Variants in ZNF66 observed in about 807,000 individuals in gnomAD.
ZNF66 encodes the protein zinc finger protein 66.
ZNF66 carries 32 observed loss-of-function variants against 35.2 expected under a neutral mutation model. That is an observed-to-expected ratio of 0.91 (90% CI 0.69 to 1.22). The LOEUF (loss-of-function observed/expected upper bound fraction) is 1.22. Among genes scored for constraint, ZNF66 ranks in the 50% most tolerant of loss-of-function variants. The pLI is 0.00. For missense variants in ZNF66, 666 were observed against 543.1 expected (o/e 1.23, Z -2.25); for synonymous variants, 231 against 181.3 (o/e 1.27, Z -2.20).
intron 1 of ZNF66, chr19:20,785,137 C>T (rs1971276088): frequency 6.6e-6 from 1 of 152,230 alleles, no homozygotes; most frequent in African/African-American, 2.4e-5. Flanking sequence ...AGGCTCTCCT[C>T]CTGCAGCTCA....
At chr19:20,800,057 C>T (rs1353871772) in intron 3 of ZNF66, among the ~76,000 whole-genome samples, 1 of 152,166 alleles carries the variant, frequency 6.6e-6, no homozygotes, top group Non-Finnish European at 1.5e-5. Flanking sequence ...CTTACTGTCA[C>T]CCAGGCTCCA....
intron 1 of ZNF66, among the ~76,000 whole-genome samples, chr19:20,791,654 G>A (rs548036243): frequency 1.3e-5 from 2 of 152,042 alleles, no homozygotes; most frequent in African/African-American, 4.8e-5. Flanking sequence ...TGTATTTTGA[G>A]GTTTGCATAA....
intron 3 of ZNF66, among the ~76,000 whole-genome samples, chr19:20,800,780 T>G (rs903136004): frequency 2.0e-5 from 3 of 152,196 alleles, no homozygotes; most frequent in Non-Finnish European, 4.4e-5. Context: ...GTGAGCCAAA[T>G]AAACCTTTTT....
At chr19:20,802,881 T>C (rs906569381) in intron 3 of ZNF66, among the ~76,000 whole-genome samples, 1 of 152,186 alleles carries the variant, frequency 6.6e-6, no homozygotes, top group Non-Finnish European at 1.5e-5. Context: ...TGCAAATACA[T>C]ACATGTATAA....
At chr19:20,804,059 A>T (rs1599555291) in intron 3 of ZNF66, among the ~76,000 whole-genome samples, 1 of 151,958 alleles carries the variant, frequency 6.6e-6, no homozygotes, top group African/African-American at 2.4e-5. Flanking sequence ...TGTGTTTGTT[A>T]TAAATATCTT....
rs1037001371 is a variant in ZNF66 at position 20,807,690 on chromosome 19, C to T, written c.*368C>T. Among the ~76,000 whole-genome samples the T allele has an allele frequency of 4.0e-5, 6 of 151,524 alleles. No individual in the cohort carries two copies. Among genetic ancestry groups the T allele is most frequent in the Non-Finnish European group, 7.4e-5 (5 of 67,954 alleles). ...CTGCCTCCCGGGTTCAAGCCATTTT[C>T]CTGCCTCAGCTTGTCTAGTAGATGA... On this transcript the variant is annotated 3_prime_UTR_variant, in exon 4 of 4. Coordinates refer to ENST00000344519, the MANE Select transcript of ZNF66 (RefSeq NM_001355197.2).
chr19:20,789,193 A>G (rs1322988233), intron 1 of ZNF66, among the ~76,000 whole-genome samples: 1 of 152,220 alleles, frequency 6.6e-6, no homozygotes, highest in Non-Finnish European at 1.5e-5. Context: ...TCTTTTAGGT[A>G]ACCTTTGAAA....
intron 1 of ZNF66, among the ~76,000 whole-genome samples, chr19:20,779,272 A>G (rs1339726107): frequency 2.0e-5 from 3 of 152,250 alleles, no homozygotes; most frequent in African/African-American, 4.8e-5. Context: ...TAAATATAAG[A>G]TCTTTATGGC....
At chr19:20,793,327 C>CT (rs879637768) in intron 2 of ZNF66, among the ~76,000 whole-genome samples, 8,182 of 72,808 alleles carry the variant, frequency 0.11, 937 homozygotes, top group African/African-American at 0.18. Flanking sequence ...CTTTTCTTTT[C>CT]TTTTCTTTTT....
At chr19:20,783,691 C>T (rs906827705) in intron 1 of ZNF66, among the ~76,000 whole-genome samples, 1 of 152,122 alleles carries the variant, frequency 6.6e-6, no homozygotes, top group African/African-American at 2.4e-5. Context: ...GGTAATTATC[C>T]AATATTTGCA....
Position 20,808,085 on chromosome 19 carries a change from T to G in ZNF66, c.*763T>G, listed in dbSNP as rs965951296. On this transcript the variant is annotated 3_prime_UTR_variant, in exon 4 of 4. Transcript: ENST00000344519. ...CCTGCAGCTGGCTCAGAGGGTCCTA[T>G]GCCCATGGAGTCTCACTGATTGCTA... Among the ~76,000 whole-genome samples the G allele has an allele frequency of 6.7e-6, 1 of 149,744 alleles. No homozygotes were observed. Among genetic ancestry groups the G allele is most frequent in the African/African-American group, 2.5e-5 (1 of 40,024 alleles).
intron 1 of ZNF66, among the ~76,000 whole-genome samples, chr19:20,790,757 A>AG (rs1971329916): frequency 1.7e-5 from 1 of 58,694 alleles, no homozygotes; most frequent in African/African-American, 4.5e-5. Context: ...AGAAAGAGAA[A>AG]AAAAAAGGGC....
rs366949 is a variant in ZNF66, at chr19:20,805,906, G to A, written c.306G>A (p.Arg102=). ...KDSFQKLILR[R]HKKCGHDNLQ... The stretch of plus-strand genomic sequence containing the variant: ...CTTTCCAAAAACTGATACTGAGAAG[G>A]CATAAAAAATGTGGACATGATAATT... The change falls in exon 4 of 4, where the codon AGG becomes AGA. Residue 102 remains arginine (R), a synonymous_variant. Transcript: ENST00000344519. 0.091 allele frequency: 60,753 copies of A among 665,848 alleles called. 3,034 individuals carry two copies. The highest frequency in any genetic ancestry group is 0.1 in the African/African-American group (5,623 of 55,528). The allele number at this position is 665,848 out of a possible 1,614,324, so 41.2% of individuals were successfully genotyped here.
intron 1 of ZNF66, among the ~76,000 whole-genome samples, chr19:20,782,247 A>G (rs528283197): frequency 1.3e-3 from 199 of 152,262 alleles, no homozygotes; most frequent in Non-Finnish European, 2.4e-3. Context: ...TTCTGACCAT[A>G]CCATATTTTC....
chr19:20,790,857 A>T (rs181526931), intron 1 of ZNF66, among the ~76,000 whole-genome samples: 1 of 152,236 alleles, frequency 6.6e-6, no homozygotes, highest in Admixed American at 6.5e-5. Flanking sequence ...TTACTTCTCT[A>T]CTTGTGTTTT....
chr19:20,789,604 A>C (rs1971317783), intron 1 of ZNF66, among the ~76,000 whole-genome samples: 1 of 152,166 alleles, frequency 6.6e-6, no homozygotes, highest in African/African-American at 2.4e-5. Flanking sequence ...ATTTTGTCTA[A>C]ACTACATTAA....
At position 20,806,580 on chromosome 19, in the gene ZNF66, A is replaced by G. The variant is rs1275504672; in HGVS notation, c.980A>G (p.His327Arg). The change falls in exon 4 of 4, where the codon CAC becomes CGC. Residue 327 changes from histidine (H) to arginine (R), a missense_variant. By Grantham distance (29) the His-to-Arg change is conservative (BLOSUM62 0). Coordinates refer to ENST00000344519, the MANE Select transcript of ZNF66 (RefSeq NM_001355197.2). ...ECGKAFNWSSHLTTHKRIHTG... is the reference protein window; with the variant it reads ...ECGKAFNWSSRLTTHKRIHTG... ...GGTAAAGCCTTCAACTGGTCCTCAC[A>G]CCTTACTACACATAAGAGAATTCAT... 4 of 1,587,496 alleles carry G rather than the reference A, an allele frequency of 2.5e-6. No individual in the cohort carries two copies. The highest frequency in any genetic ancestry group is 3.5e-6 in the Non-Finnish European group (4 of 1,158,954).
rs183090000 is a variant in ZNF66 at position 20,798,596 on chromosome 19, T to C, written c.226+4718T>C. Among the ~76,000 whole-genome samples the C allele has an allele frequency of 5.3e-4, 80 of 152,310 alleles. 1 individual carries two copies. Among genetic ancestry groups the C allele is most frequent in the African/African-American group, 1.9e-3 (79 of 41,582 alleles). ...CTGTTCATTTCAGGCATGTTAATTA[T>C]ATTCACACTGTCATGCAAAAGGCTT... On this transcript the variant is annotated intron_variant, in intron 3 of 3. Coordinates refer to ENST00000344519, the MANE Select transcript of ZNF66 (RefSeq NM_001355197.2).
At chr19:20,788,658 C>A (rs1322458995) in intron 1 of ZNF66, among the ~76,000 whole-genome samples, 1 of 152,086 alleles carries the variant, frequency 6.6e-6, no homozygotes, top group African/African-American at 2.4e-5. Context: ...CCGCGTCATC[C>A]TCCTGAAGCG....
Sources: gnomAD v4.1 joint callset for allele counts (sites outside exome capture counted in the v4.1 genomes callset) on GRCh38, gnomAD v4.1.1 for gene constraint, MANE v1.5 for transcripts, NCBI Gene and HGNC (gene_info 2026-07-23, HGNC 2026-07-21) for gene names.